PARPBP: variants seen among roughly 807,000 people sequenced by gnomAD.
The protein encoded by PARPBP is PARP1 binding protein, also known as PCNA-interacting partner.
Under a neutral mutation model 50.0 loss-of-function variants are expected in PARPBP, and 52 were observed. The observed-to-expected ratio is 1.04, with a 90% CI of 0.83 to 1.31. The LOEUF is 1.31. PARPBP is among the 50% of genes most tolerant of loss of function. PARPBP has a pLI of 0.00. For missense variants in PARPBP, 697 were observed against 672.0 expected (o/e 1.04, Z -0.41); for synonymous variants, 244 against 232.1 (o/e 1.05, Z -0.47).
At position 102,196,205 on chromosome 12, in the gene PARPBP, GC is replaced by G. The variant is rs1891305609; in HGVS notation, c.1655del (p.Ala552ValfsTer3). 6.2e-7 allele frequency: 1 copy of G among 1,611,204 alleles called. No individual in the cohort carries two copies. Among genetic ancestry groups the G allele is most frequent in the African/African-American group, 1.3e-5 (1 of 74,872 alleles). Reference sequence around the variant, plus strand: ...ACAGAATAGATTGTACGGCAAACTAGCTAAAGTAGCAAAAAGTAATAAATGT... The same window carrying G: ...ACAGAATAGATTGTACGGCAAACTAGTAAAGTAGCAAAAAGTAATAAATGT... ...DSQNRLYGKLAKVAKSNKCTA... is the reference protein window; with the variant it reads ...DSQNRLYGKLXKVAKSNKCTA... On this transcript the variant is annotated frameshift_variant, in exon 11 of 11. Coordinates refer to ENST00000327680, the MANE Select transcript of PARPBP (RefSeq NM_017915.5). LOFTEE classifies it high-confidence loss of function.
chr12:102,146,534 A>G (rs1357140820), intron 2 of PARPBP, among the ~76,000 whole-genome samples: 1 of 152,216 alleles, frequency 6.6e-6, no homozygotes. Context: ...CTGAAACTGG[A>G]TCCCTTCCTT....
chr12:102,196,643 C>G lies in PARPBP; in HGVS notation c.*352C>G, dbSNP rs1396649878. Reference sequence around the variant, plus strand: ...TTTCTTCTGAAAAGATGATGTGGACCAACAGGTATCAGACTTGCCAACAAG... The same window carrying G: ...TTTCTTCTGAAAAGATGATGTGGACGAACAGGTATCAGACTTGCCAACAAG... On this transcript the variant is annotated 3_prime_UTR_variant, in exon 11 of 11. Coordinates refer to ENST00000327680, the MANE Select transcript of PARPBP (RefSeq NM_017915.5). 1 of 1,600,388 alleles carries G rather than the reference C, an allele frequency of 6.2e-7. No individual in the cohort carries two copies. The highest frequency in any genetic ancestry group is 8.6e-7 in the Non-Finnish European group (1 of 1,168,068).
chr12:102,178,986 C>T (rs1256867820), intron 8 of PARPBP, among the ~76,000 whole-genome samples: 2 of 152,106 alleles, frequency 1.3e-5, no homozygotes, highest in Non-Finnish European at 2.9e-5. Context: ...TCTTTGGTTT[C>T]AGTGTTGTTT....
chr12:102,177,572 TCTATTACTACTA>T (rs1889400497), intron 7 of PARPBP, among the ~76,000 whole-genome samples: 1 of 152,178 alleles, frequency 6.6e-6, no homozygotes, highest in South Asian at 2.1e-4. Flanking sequence ...CTGCTTTATC[TCTATTACTACTA>T]TCTTAGTTCA....
intron 6 of PARPBP, among the ~76,000 whole-genome samples, chr12:102,169,882 C>T (rs985777534): frequency 7.2e-5 from 11 of 152,292 alleles, no homozygotes; most frequent in South Asian, 2.1e-4. Context: ...TTATCCTCCT[C>T]GTCTCTGTCA....
chr12:102,195,062 C>T (rs991143125), intron 9 of PARPBP, among the ~76,000 whole-genome samples: 1 of 150,330 alleles, frequency 6.7e-6, no homozygotes, highest in African/African-American at 2.4e-5. Flanking sequence ...TGTTTTGTAA[C>T]TGTTACCAAA....
At chr12:102,136,808 A>G (rs991180341) in intron 2 of PARPBP, among the ~76,000 whole-genome samples, 4 of 152,170 alleles carry the variant, frequency 2.6e-5, no homozygotes, top group Non-Finnish European at 4.4e-5. Flanking sequence ...ACATACCTAT[A>G]TGTCTGCGGG....
At chr12:102,128,823 T>A (rs1882412988) in intron 2 of PARPBP, among the ~76,000 whole-genome samples, 1 of 152,214 alleles carries the variant, frequency 6.6e-6, no homozygotes, top group Admixed American at 6.5e-5. Flanking sequence ...TGATTTCATT[T>A]CCTTTGGATA....
At chr12:102,190,825 AG>A (rs1284840332) in intron 9 of PARPBP, among the ~76,000 whole-genome samples, 1 of 152,106 alleles carries the variant, frequency 6.6e-6, no homozygotes, top group Non-Finnish European at 1.5e-5. Context: ...GTATATTTGA[AG>A]GTTATCAGTG....
chr12:102,138,157 C>G (rs553250549), intron 2 of PARPBP, among the ~76,000 whole-genome samples: 1 of 152,316 alleles, frequency 6.6e-6, no homozygotes, highest in East Asian at 1.9e-4. Context: ...CACATCCTCT[C>G]CAGCACCTTT....
chr12:102,139,195 G>A (rs1365898405), intron 2 of PARPBP, among the ~76,000 whole-genome samples: 2 of 152,114 alleles, frequency 1.3e-5, no homozygotes, highest in African/African-American at 2.4e-5. Context: ...CCTTGAAGAG[G>A]TCCTTCACAT....
intron 3 of PARPBP, among the ~76,000 whole-genome samples, chr12:102,152,918 A>G (rs1249145635): frequency 6.6e-6 from 1 of 150,562 alleles, no homozygotes; most frequent in African/African-American, 2.4e-5. Flanking sequence ...TTTTCCAAGT[A>G]GAAGAACAGT....
At chr12:102,158,482 G>A (rs1887207426) in intron 4 of PARPBP, among the ~76,000 whole-genome samples, 1 of 152,190 alleles carries the variant, frequency 6.6e-6, no homozygotes, top group African/African-American at 2.4e-5. Context: ...ACATGCTCTA[G>A]TAGACTTTTC....
Position 102,183,865 on chromosome 12 carries a change from A to G in PARPBP, c.1263+1238A>G, listed in dbSNP as rs560343955. On this transcript the variant is annotated intron_variant, in intron 9 of 10. Coordinates refer to ENST00000327680, the MANE Select transcript of PARPBP (RefSeq NM_017915.5). Reference sequence around the variant, plus strand: ...CAAGGCAGGCAGATCACTTGAGGTCAGAAGTTCGAGACCAGCCTGGCCAAC... The same window carrying G: ...CAAGGCAGGCAGATCACTTGAGGTCGGAAGTTCGAGACCAGCCTGGCCAAC... Among the ~76,000 whole-genome samples the G allele has an allele frequency of 1.8e-4, 27 of 152,102 alleles. No homozygotes were observed. In the East Asian group the frequency reaches 2.7e-3, roughly 15 times the overall value.
Position 102,196,891 on chromosome 12 carries a change from A to G in PARPBP, c.*600A>G. ...CATGGTCTTATTTGATTTTGTTATG[A>G]TTGCATCCAAATTCACTTTAACTCA... On this transcript the variant is annotated 3_prime_UTR_variant, in exon 11 of 11. Transcript: ENST00000327680. The G allele has an allele frequency of 8.0e-7, 1 of 1,251,514 alleles. No individual in the cohort carries two copies. The highest frequency in any genetic ancestry group is 1.1e-6 in the Non-Finnish European group (1 of 872,364). The allele number at this position is 1,251,514 out of a possible 1,614,324, so 77.5% of individuals were successfully genotyped here.
intron 4 of PARPBP, among the ~76,000 whole-genome samples, chr12:102,161,955 G>A (rs894294543): frequency 2.6e-5 from 4 of 152,022 alleles, no homozygotes; most frequent in South Asian, 4.1e-4. Flanking sequence ...TTGTTTTCTT[G>A]TAATTAATTT....
chr12:102,158,629 C>G (rs1300672689), intron 4 of PARPBP, among the ~76,000 whole-genome samples: 1 of 151,648 alleles, frequency 6.6e-6, no homozygotes, highest in African/African-American at 2.4e-5. Flanking sequence ...CATTTCCTTT[C>G]TTTTCCCTTG....
chr12:102,183,888 A>G (rs1890060902), intron 9 of PARPBP, among the ~76,000 whole-genome samples: 1 of 151,962 alleles, frequency 6.6e-6, no homozygotes, highest in Non-Finnish European at 1.5e-5. Flanking sequence ...CAGCCTGGCC[A>G]ACATGGTGAA....
At chr12:102,158,455 G>T (rs1887203581) in intron 4 of PARPBP, among the ~76,000 whole-genome samples, 1 of 152,148 alleles carries the variant, frequency 6.6e-6, no homozygotes, top group Admixed American at 6.5e-5. Context: ...CTTCAAGCAG[G>T]TTTTTGTGTC....
Sources: allele counts gnomAD v4.1 joint callset (sites outside exome capture counted in the v4.1 genomes callset), GRCh38; gene constraint gnomAD v4.1.1; transcripts MANE v1.5; gene names NCBI Gene and HGNC (gene_info 2026-07-23, HGNC 2026-07-21).